PDZD2: variants seen among roughly 807,000 people sequenced by gnomAD.
The protein encoded by PDZD2 is PDZ domain-containing protein 2.
PDZD2 carries 90 observed loss-of-function variants against 220.7 expected under a neutral mutation model. The observed-to-expected ratio is 0.41, with a 90% confidence interval of 0.34 to 0.49. PDZD2 has a LOEUF of 0.49. Among genes scored for constraint, PDZD2 ranks in the 20% least tolerant of loss-of-function variants. The probability of loss-of-function intolerance (pLI) is 0.28; values close to 1 mark genes in which losing one functional copy is unlikely to be tolerated. For synonymous variants in PDZD2, 1,375 were observed against 1,450.5 expected (o/e 0.95, Z 1.18); for missense variants, 3,174 against 3,608.5 (o/e 0.88, Z 3.08).
At chr5:31,926,841 G>C (rs1744823549) in intron 2 of PDZD2, among the ~76,000 whole-genome samples, 1 of 91,000 alleles carries the variant, frequency 1.1e-5, no homozygotes, top group South Asian at 3.4e-4. Context: ...TGCTAGATTG[G>C]ATAAACAAAG....
At chr5:31,655,146 C>A (rs1277119666) in intron 1 of PDZD2, among the ~76,000 whole-genome samples, 2 of 152,124 alleles carry the variant, frequency 1.3e-5, no homozygotes, top group Non-Finnish European at 2.9e-5. Context: ...TTTATTTTCT[C>A]CATTGCACAT....
intron 1 of PDZD2, among the ~76,000 whole-genome samples, chr5:31,698,874 C>T (rs1210606292): frequency 1.3e-5 from 2 of 152,148 alleles, no homozygotes; most frequent in Non-Finnish European, 2.9e-5. Context: ...GGTTTGTGAC[C>T]CCATCCGTCT....
intron 1 of PDZD2, among the ~76,000 whole-genome samples, chr5:31,736,991 C>CATAG (rs1486515599): frequency 7.7e-6 from 1 of 129,796 alleles, no homozygotes; most frequent in Admixed American, 8.0e-5. Flanking sequence ...CAGATGCCAG[C>CATAG]ACTATGCTTC....
intron 1 of PDZD2, among the ~76,000 whole-genome samples, chr5:31,683,605 G>A (rs183390826): frequency 2.6e-5 from 4 of 152,274 alleles, no homozygotes; most frequent in East Asian, 1.9e-4. Context: ...TTCACATAAC[G>A]TGCCTGGGAG....
intron 1 of PDZD2, among the ~76,000 whole-genome samples, chr5:31,723,263 G>A (rs1241028340): frequency 6.6e-6 from 1 of 151,916 alleles, no homozygotes; most frequent in Non-Finnish European, 1.5e-5. Context: ...CCTTTAAAAA[G>A]AATCATTTCT....
chr5:31,861,173 G>C (rs1251188560), intron 2 of PDZD2, among the ~76,000 whole-genome samples: 1 of 152,180 alleles, frequency 6.6e-6, no homozygotes, highest in African/African-American at 2.4e-5. Context: ...TCCAGCCTTA[G>C]GATGCAGCCA....
At chr5:31,987,736 T>C (rs984976814) in intron 3 of PDZD2, among the ~76,000 whole-genome samples, 1 of 152,220 alleles carries the variant, frequency 6.6e-6, no homozygotes, top group Non-Finnish European at 1.5e-5. Context: ...CCCCAAAGTT[T>C]GCCCAAGCTG....
chr5:31,694,289 G>A (rs1463613937), intron 1 of PDZD2, among the ~76,000 whole-genome samples: 1 of 152,176 alleles, frequency 6.6e-6, no homozygotes, highest in African/African-American at 2.4e-5. Flanking sequence ...CTACTTGGGA[G>A]GCTGAGGTGG....
chr5:32,077,949 C>A (rs192901369), intron 19 of PDZD2: 24 of 9,424 alleles, frequency 2.5e-3, no homozygotes, highest in African/African-American at 0.016. Flanking sequence ...AAGAGCAAGA[C>A]TCTGTCAAAA....
intron 2 of PDZD2, among the ~76,000 whole-genome samples, chr5:31,821,033 T>A (rs995165100): frequency 2.0e-5 from 3 of 152,062 alleles, no homozygotes; most frequent in African/African-American, 7.2e-5. Flanking sequence ...ATATTATAGA[T>A]CTTAATCTTT....
At chr5:32,068,074 A>G (rs567678699) in intron 14 of PDZD2, among the ~76,000 whole-genome samples, 1 of 152,340 alleles carries the variant, frequency 6.6e-6, no homozygotes, top group South Asian at 2.1e-4. Context: ...ATCACCGATT[A>G]TAAGACACAT....
chr5:31,987,935 CT>C (rs1750841592), intron 3 of PDZD2, among the ~76,000 whole-genome samples: 1 of 152,222 alleles, frequency 6.6e-6, no homozygotes, highest in African/African-American at 2.4e-5. Context: ...GTCCCCTCAA[CT>C]GTAGCTCCTT....
chr5:32,008,261 C>T (rs1298292597), intron 5 of PDZD2, among the ~76,000 whole-genome samples: 1 of 149,444 alleles, frequency 6.7e-6, no homozygotes, highest in African/African-American at 2.5e-5. Flanking sequence ...CATTTTGATT[C>T]AACAATCTAA....
chr5:31,908,866 G>A lies in PDZD2; in HGVS notation c.477-74289G>A, dbSNP rs942944579. 50 of 482,364 alleles carry A rather than the reference G, an allele frequency of 1.0e-4. No homozygotes were observed. In the Admixed American group the frequency reaches 1.2e-3, roughly 11 times the overall value. 29.9% of individuals were successfully genotyped at this position (482,364 alleles called of 1,614,324 possible). On this transcript the variant is annotated intron_variant, in intron 2 of 24. Transcript: ENST00000438447. ...TTGAGACCAGCCTTGGCAACATAGT[G>A]AGACCCTGTCCCTACCAAAAATACA...
chr5:31,671,446 T>C (rs2150118206), intron 1 of PDZD2, among the ~76,000 whole-genome samples: 1 of 152,336 alleles, frequency 6.6e-6, no homozygotes, highest in South Asian at 2.1e-4. Context: ...CAATGTCATG[T>C]CAGGACACTC....
intron 1 of PDZD2, among the ~76,000 whole-genome samples, chr5:31,659,165 C>T (rs183156): frequency 0.82 from 123,980 of 152,048 alleles, 51,903 homozygotes; most frequent in Non-Finnish European, 0.93. Flanking sequence ...TACTTAATCT[C>T]AGTCTCTCTG....
intron 1 of PDZD2, among the ~76,000 whole-genome samples, chr5:31,705,643 T>C (rs1348951785): frequency 1.3e-5 from 2 of 152,224 alleles, no homozygotes; most frequent in South Asian, 2.1e-4. Context: ...TTGGAAATAC[T>C]GTCAAATACA....
At chr5:32,019,059 G>A (rs1753990882) in intron 6 of PDZD2, among the ~76,000 whole-genome samples, 1 of 151,858 alleles carries the variant, frequency 6.6e-6, no homozygotes, top group Non-Finnish European at 1.5e-5. Flanking sequence ...GTTCCAACTG[G>A]CTACCTGGCC....
At position 31,974,261 on chromosome 5, in the gene PDZD2, T is replaced by A. The variant is rs10063120; in HGVS notation, c.477-8894T>A. On this transcript the variant is annotated intron_variant, in intron 2 of 24. Coordinates refer to ENST00000438447, the MANE Select transcript of PDZD2 (RefSeq NM_178140.4). ...CTCCAAAAGTGCTGGGATTACAGGC[T>A]TGAGCCACCGCACCCAGCTGGCTGC... is the stretch of plus-strand genomic sequence containing the variant. Among the ~76,000 whole-genome samples, 60 of 151,974 alleles carry A rather than the reference T, an allele frequency of 3.9e-4. 2 individuals are homozygous for A. Among genetic ancestry groups the A allele is most frequent in the Non-Finnish European group, 1.6e-4 (11 of 67,988 alleles).
Sources: gnomAD v4.1 joint callset for allele counts (sites outside exome capture counted in the v4.1 genomes callset) on GRCh38, gnomAD v4.1.1 for gene constraint, MANE v1.5 for transcripts, NCBI Gene and HGNC (gene_info 2026-07-23, HGNC 2026-07-21) for gene names.